The following KCNIP4 variants were observed in gnomAD, a reference collection of about 807,000 sequenced individuals.
KCNIP4 encodes the protein potassium voltage-gated channel interacting protein 4, also known as Kv channel-interacting protein 4.
Under a neutral mutation model 34.0 loss-of-function variants are expected in KCNIP4, and 12 were observed. The observed-to-expected ratio is 0.35, with a 90% CI of 0.23 to 0.57. The LOEUF (loss-of-function observed/expected upper bound fraction) is 0.57, where lower values mean the gene tolerates loss of function less well. KCNIP4 is among the 20% of genes least tolerant of loss of function. The pLI is 0.83. For synonymous variants in KCNIP4, 124 were observed against 102.2 expected, an observed-to-expected ratio of 1.21 and a Z score of -1.29; for missense variants, 238 against 311.7, an observed-to-expected ratio of 0.76 and a Z score of 1.78.
chr4:20,948,703 A>G (rs977600190), intron 1 of KCNIP4, among the ~76,000 whole-genome samples: 1 of 152,232 alleles, frequency 6.6e-6, no homozygotes, highest in Non-Finnish European at 1.5e-5. Flanking sequence ...CTTATCAACA[A>G]TATCAGAATC....
In KCNIP4 at chr4:21,057,996, T is replaced by C. The variant is rs368144458; in HGVS notation, c.62-175287A>G. 5.3e-5 allele frequency among the ~76,000 whole-genome samples: 8 copies of C among 152,226 alleles called. No homozygotes were observed. The East Asian group carries it at 7.7e-4, about 15-fold the overall frequency. On this transcript the variant is annotated intron_variant, in intron 1 of 8. Coordinates refer to ENST00000382152, the MANE Select transcript of KCNIP4 (RefSeq NM_025221.6). ...TAAACTTATTGTGATAATACATTCA[T>C]AGACATTGAAAATATTGGACAAAGA...
In KCNIP4 at chr4:21,030,123, C is replaced by T. The variant is rs564839104; in HGVS notation, c.62-147414G>A. Among the ~76,000 whole-genome samples the T allele has an allele frequency of 1.4e-4, 21 of 152,252 alleles. No individual in the cohort carries two copies. The South Asian group carries it at 2.7e-3, about 20-fold the overall frequency. ...TACACAGTAAGAGGTGAGTAGCAGG[C>T]GAGCAAGCAAAGTTTCTTCTGTATT... On this transcript the variant is annotated intron_variant, in intron 1 of 8. Transcript: ENST00000382152.
intron 1 of KCNIP4, among the ~76,000 whole-genome samples, chr4:21,940,657 C>A (rs994967974): frequency 1.3e-5 from 2 of 152,098 alleles, no homozygotes; most frequent in African/African-American, 4.8e-5. Flanking sequence ...AAGTAGATAT[C>A]ATTACCACCA....
rs116325705 is a variant in KCNIP4 at position 21,743,875 on chromosome 4, G to C, written c.61+204696C>G. 3.4e-3 allele frequency among the ~76,000 whole-genome samples: 513 copies of C among 150,400 alleles called. 3 individuals are homozygous for C. Among genetic ancestry groups the C allele is most frequent in the African/African-American group, 0.011 (433 of 40,842 alleles). The stretch of plus-strand genomic sequence containing the variant: ...TTATGCTCTTCATCCATAGTTAATG[G>C]AATTTTGAAAATGGGAGGAGGCATT... On this transcript the variant is annotated intron_variant, in intron 1 of 8. Transcript: ENST00000382152.
At chr4:21,347,024 T>C (rs1717503524) in intron 1 of KCNIP4, among the ~76,000 whole-genome samples, 1 of 152,194 alleles carries the variant, frequency 6.6e-6, no homozygotes, top group East Asian at 1.9e-4. Flanking sequence ...GAATATAGGT[T>C]TGAAGTTAGA....
At chr4:20,905,509 C>CTTTTTTTTTTTT (rs10686415) in intron 1 of KCNIP4, among the ~76,000 whole-genome samples, 8,171 of 71,956 alleles carry the variant, frequency 0.11, 1,203 homozygotes, top group East Asian at 0.15. Flanking sequence ...CGTTTTCTTT[C>CTTTTTTTTTTTT]TTTTTTTTTT....
intron 1 of KCNIP4, among the ~76,000 whole-genome samples, chr4:21,147,800 A>T (rs997370300): frequency 5.3e-5 from 8 of 151,716 alleles, no homozygotes; most frequent in African/African-American, 1.9e-4. Context: ...TTAGCCGAGC[A>T]TGGTGGCAGA....
chr4:21,597,449 T>C (rs1742747459), intron 1 of KCNIP4, among the ~76,000 whole-genome samples: 1 of 152,080 alleles, frequency 6.6e-6, no homozygotes, highest in Non-Finnish European at 1.5e-5. Context: ...AATACACCCA[T>C]GAATATCTTC....
intron 1 of KCNIP4, among the ~76,000 whole-genome samples, chr4:21,879,860 C>T (rs552949167): frequency 6.6e-6 from 1 of 152,036 alleles, no homozygotes; most frequent in East Asian, 1.9e-4. Flanking sequence ...GTTACCTCCA[C>T]GTTAGTCTCA....
chr4:21,169,310 G>A (rs1004474307), intron 1 of KCNIP4, among the ~76,000 whole-genome samples: 3 of 151,840 alleles, frequency 2.0e-5, no homozygotes, highest in Non-Finnish European at 4.4e-5. Context: ...GCACCACCAT[G>A]CCCAGCTAAT....
chr4:21,661,290 C>G (rs1193258298), intron 1 of KCNIP4, among the ~76,000 whole-genome samples: 2 of 152,152 alleles, frequency 1.3e-5, no homozygotes, highest in Non-Finnish European at 2.9e-5. Context: ...TTCCTGGACA[C>G]TGGACAAGAA....
chr4:20,948,866 A>G (rs1276791008), intron 1 of KCNIP4, among the ~76,000 whole-genome samples: 2 of 152,148 alleles, frequency 1.3e-5, no homozygotes, highest in African/African-American at 2.4e-5. Flanking sequence ...CATGTATACC[A>G]ATGTTTACCA....
chr4:21,708,830 T>C (rs115243716), intron 1 of KCNIP4, among the ~76,000 whole-genome samples: 2,647 of 152,310 alleles, frequency 0.017, 75 homozygotes, highest in African/African-American at 0.052. Context: ...CACACAGATT[T>C]GGTAAACTTT....
intron 1 of KCNIP4, among the ~76,000 whole-genome samples, chr4:21,454,807 T>TA (rs936072304): frequency 2.2e-4 from 33 of 152,090 alleles, no homozygotes; most frequent in African/African-American, 6.3e-4. Context: ...ATAGCACCAC[T>TA]AAAAAAATTC....
At chr4:21,450,810 G>A (rs982062941) in intron 1 of KCNIP4, among the ~76,000 whole-genome samples, 19 of 152,036 alleles carry the variant, frequency 1.2e-4, no homozygotes, top group African/African-American at 3.4e-4. Flanking sequence ...ATATAAGCAC[G>A]TGCAGATACT....
At chr4:21,896,112 C>T (rs1348085237) in intron 1 of KCNIP4, among the ~76,000 whole-genome samples, 3 of 152,156 alleles carry the variant, frequency 2.0e-5, no homozygotes. Context: ...TGTCTCACTT[C>T]CTCCTTACAA....
At chr4:21,621,027 G>A (rs7675686) in intron 1 of KCNIP4, among the ~76,000 whole-genome samples, 42,752 of 151,932 alleles carry the variant, frequency 0.28, 6,330 homozygotes, top group Non-Finnish European at 0.32. Context: ...CTCAGGCTCC[G>A]TACAGAAACT....
At chr4:21,828,456 C>G (rs1393249226) in intron 1 of KCNIP4, among the ~76,000 whole-genome samples, 1 of 151,812 alleles carries the variant, frequency 6.6e-6, no homozygotes. Flanking sequence ...GATATAATAA[C>G]AAGACTTTCC....
intron 2 of KCNIP4, among the ~76,000 whole-genome samples, chr4:20,871,484 CCAGGGAGTGG>C (rs1723452709): frequency 6.6e-6 from 1 of 151,854 alleles, no homozygotes; most frequent in Non-Finnish European, 1.5e-5. Flanking sequence ...ATTAAAAGGG[CCAGGGAGTGG>C]CAGGGACTCC....
Sources: gnomAD v4.1 joint callset for allele counts (sites outside exome capture counted in the v4.1 genomes callset) on GRCh38, gnomAD v4.1.1 for gene constraint, MANE v1.5 for transcripts, NCBI Gene and HGNC (gene_info 2026-07-23, HGNC 2026-07-21) for gene names.